Variants in ADGRL1 observed in about 807,000 individuals in gnomAD.
ADGRL1 encodes adhesion G protein-coupled receptor L1.
ADGRL1 carries 31 observed loss-of-function variants against 148.9 expected under a neutral mutation model. That is an observed-to-expected ratio of 0.21 (90% CI 0.16 to 0.28). The LOEUF (loss-of-function observed/expected upper bound fraction) is 0.28. ADGRL1 is among the 10% of genes least tolerant of loss of function. The pLI, the probability that ADGRL1 is intolerant of heterozygous loss-of-function variation, is 1.00. For missense variants in ADGRL1, 1,521 were observed against 2,058.8 expected (o/e 0.74, Z 5.05); for synonymous variants, 937 against 900.3 (o/e 1.04, Z -0.73).
chr19:14,179,858 G>T (rs1599476875), intron 2 of ADGRL1, among the ~76,000 whole-genome samples: 2 of 152,082 alleles, frequency 1.3e-5, no homozygotes, highest in African/African-American at 4.8e-5. Flanking sequence ...TGCAGTGATG[G>T]CATGCAGAGA....
intron 1 of ADGRL1, among the ~76,000 whole-genome samples, chr19:14,192,756 G>C (rs1355551446): frequency 6.6e-6 from 1 of 151,966 alleles, no homozygotes; most frequent in African/African-American, 2.4e-5. Context: ...TCGCCATATT[G>C]GTCAGGCTGC....
chr19:14,203,307 C>G (rs528080008), intron 1 of ADGRL1, among the ~76,000 whole-genome samples: 1 of 152,274 alleles, frequency 6.6e-6, no homozygotes, highest in East Asian at 1.9e-4. Context: ...CCACATGTCT[C>G]GCCAGGGAGA....
rs772963868 is a variant in ADGRL1, at chr19:14,152,779, G to A, written c.3423+5C>T. 7.4e-6 allele frequency: 12 copies of A among 1,613,960 alleles called. No homozygotes were observed. Among genetic ancestry groups the A allele is most frequent in the East Asian group, 2.2e-5 (1 of 44,880 alleles). ...AGCCCCAGGGAGTCCTGTCTGGCCCGATACCTGGGTCCCTGTGTAGTAGCG... is the reference window on the plus strand; with the variant it reads ...AGCCCCAGGGAGTCCTGTCTGGCCCAATACCTGGGTCCCTGTGTAGTAGCG... On this transcript the variant is annotated splice_donor_5th_base_variant and intron_variant, in intron 19 of 22. Transcript: ENST00000361434. This position sits in a 1 kb window ranked among gnomAD's most constrained non-coding sequence, Gnocchi z 6.1.
At chr19:14,191,936 G>T (rs569186839) in intron 1 of ADGRL1, among the ~76,000 whole-genome samples, 2 of 152,048 alleles carry the variant, frequency 1.3e-5, no homozygotes, top group East Asian at 3.9e-4. Context: ...GGCCTCAAGC[G>T]ATCTTCCTGC....
At position 14,155,681 on chromosome 19, in the gene ADGRL1, C is replaced by CT; in HGVS notation, c.3126-155dup. The CT allele has an allele frequency of 1.5e-6, 1 of 674,062 alleles. No individual in the cohort carries two copies. The highest frequency in any genetic ancestry group is 2.5e-6 in the Non-Finnish European group (1 of 403,492). The allele number at this position is 674,062 out of a possible 1,614,324, so 41.8% of individuals were successfully genotyped here. A position where few individuals can be genotyped will look rare whatever the true frequency, so the allele number is the denominator to read the frequency against. On this transcript the variant is annotated intron_variant, in intron 17 of 22. Transcript: ENST00000361434. This position sits in a 1 kb window ranked among gnomAD's most constrained non-coding sequence, Gnocchi z 5.0. ...CCGAGTGGGCCTTGGGGGCAGTGGC[C>CT]TGCCCAGGACACCTCCACCGGAGCC...
intron 1 of ADGRL1, among the ~76,000 whole-genome samples, chr19:14,188,198 A>G (rs560519644): frequency 6.6e-6 from 1 of 152,250 alleles, no homozygotes; most frequent in Admixed American, 6.5e-5. Context: ...TGCCTTATAC[A>G]TGCCCTGTGT....
At chr19:14,170,853 T>C (rs967623419) in intron 3 of ADGRL1, 62 bp from the exon 4 acceptor site, 2 of 797,978 alleles carry the variant, frequency 2.5e-6, no homozygotes, top group Admixed American at 2.0e-5. Context: ...GGGGTGGGGG[T>C]GCATGCTCCA....
At chr19:14,198,606 C>T (rs761172818) in intron 1 of ADGRL1, among the ~76,000 whole-genome samples, 2 of 152,062 alleles carry the variant, frequency 1.3e-5, no homozygotes, top group African/African-American at 2.4e-5. Flanking sequence ...CTACCTCTAC[C>T]CCCACCCCTG....
rs1968911010 is a variant in ADGRL1, at chr19:14,157,700, G to T, written c.2535+182C>A. Among the ~76,000 whole-genome samples the T allele has an allele frequency of 6.6e-6, 1 of 152,256 alleles. No individual in the cohort carries two copies. The highest frequency in any genetic ancestry group is 2.4e-5 in the African/African-American group (1 of 41,462). On this transcript the variant is annotated intron_variant, in intron 13 of 22. Coordinates refer to ENST00000361434, the MANE Select transcript of ADGRL1 (RefSeq NM_014921.5). The surrounding 1 kb of genome is among the most constrained non-coding windows in gnomAD (Gnocchi z 7.5). ...CTTGCTTCTCCAGAGTGCCTTGGGA[G>T]ACGGTGGGATCATGGCCATAGAGGA...
Position 14,149,017 on chromosome 19 carries a change from AG to A in ADGRL1, c.*1855del, listed in dbSNP as rs1967875561. The A allele has an allele frequency of 6.5e-6, 1 of 152,796 alleles. No homozygotes were observed. The highest frequency in any genetic ancestry group is 6.5e-5 in the Admixed American group (1 of 15,268). 9.5% of individuals were successfully genotyped at this position (152,796 alleles called of 1,614,324 possible). ...AACTCATGGCACTTGTGAGAAAAGG[AG>A]GGGCAGAGAGATGGGGAGAGGTCAG... On this transcript the variant is annotated 3_prime_UTR_variant, in exon 23 of 23. Transcript: ENST00000361434.
chr19:14,173,790 T>C (rs1254791855), intron 3 of ADGRL1, among the ~76,000 whole-genome samples: 1 of 151,532 alleles, frequency 6.6e-6, no homozygotes. Flanking sequence ...TTACTAAAAA[T>C]ACAAAAATTA....
intron 18 of ADGRL1, among the ~76,000 whole-genome samples, chr19:14,154,751 AC>A (rs1380844644): frequency 2.0e-5 from 3 of 151,886 alleles, no homozygotes; most frequent in African/African-American, 7.3e-5. Context: ...AGTAGCTGGG[AC>A]TACAGGCGCC....
At position 14,150,570 on chromosome 19, in the gene ADGRL1, G is replaced by A. The variant is rs1968062600; in HGVS notation, c.*303C>T. The A allele has an allele frequency of 2.5e-6, 1 of 393,808 alleles. No homozygotes were observed. Among genetic ancestry groups the A allele is most frequent in the East Asian group, 4.3e-5 (1 of 23,158 alleles). The allele number at this position is 393,808 out of a possible 1,614,324, so 24.4% of individuals were successfully genotyped here. ...GGGTGGGAGAGGGGAGAGTCTGGAA[G>A]TGGGCTGCACCCTTCCAAGTTCTCC... On this transcript the variant is annotated 3_prime_UTR_variant, in exon 23 of 23. Coordinates refer to ENST00000361434, the MANE Select transcript of ADGRL1 (RefSeq NM_014921.5).
intron 2 of ADGRL1, among the ~76,000 whole-genome samples, chr19:14,180,445 G>A (rs776941391): frequency 2.0e-5 from 3 of 151,866 alleles, no homozygotes; most frequent in Admixed American, 1.3e-4. Context: ...TAGTAGAGAC[G>A]GGGTTTTGCC....
Position 14,150,104 on chromosome 19 carries a change from G to C in ADGRL1, c.*769C>G, listed in dbSNP as rs1968021221. 1 of 152,432 alleles carries C rather than the reference G, an allele frequency of 6.6e-6. No individual in the cohort carries two copies. Among genetic ancestry groups the C allele is most frequent in the Non-Finnish European group, 1.5e-5 (1 of 68,028 alleles). 9.4% of individuals were successfully genotyped at this position (152,432 alleles called of 1,614,324 possible). On this transcript the variant is annotated 3_prime_UTR_variant, in exon 23 of 23. Coordinates refer to ENST00000361434, the MANE Select transcript of ADGRL1 (RefSeq NM_014921.5). ...GCTCCCCAGATAGCCGAGCCCACAG[G>C]ACTGGGAACTGCCCAAATATGGCCA... is the stretch of plus-strand genomic sequence containing the variant.
At chr19:14,189,427 G>A (rs572723944) in intron 1 of ADGRL1, among the ~76,000 whole-genome samples, 188 of 152,148 alleles carry the variant, frequency 1.2e-3, no homozygotes, top group African/African-American at 4.3e-3. Context: ...GCAGGATTTC[G>A]TCATGTTGCC....
Position 14,150,511 on chromosome 19 carries a change from A to C in ADGRL1, c.*362T>G. ...AGAAGCTGCCCCTCCCTGCCCAGGAAACTAAAGCCCTCATTTCCCTTCACA... is the reference window on the plus strand; with the variant it reads ...AGAAGCTGCCCCTCCCTGCCCAGGACACTAAAGCCCTCATTTCCCTTCACA... On this transcript the variant is annotated 3_prime_UTR_variant, in exon 23 of 23. Transcript: ENST00000361434. The C allele has an allele frequency of 4.5e-6, 1 of 220,002 alleles. No individual in the cohort carries two copies. The highest frequency in any genetic ancestry group is 1.6e-3 in the Middle Eastern group (1 of 640). The allele number at this position is 220,002 out of a possible 1,614,324, so 13.6% of individuals were successfully genotyped here.
chr19:14,188,450 T>C (rs538464864), intron 1 of ADGRL1, among the ~76,000 whole-genome samples: 2 of 152,162 alleles, frequency 1.3e-5, no homozygotes, highest in South Asian at 4.2e-4. Context: ...CCCAGAGCCA[T>C]GTATACTTCC....
intron 4 of ADGRL1, among the ~76,000 whole-genome samples, 175 bp from the exon 5 acceptor site, chr19:14,163,581 T>G (rs1969661590): frequency 6.6e-6 from 1 of 152,006 alleles, no homozygotes. Context: ...TTGCTTGGTA[T>G]GGCTGGTGAT....
Sources: gnomAD v4.1 joint callset for allele counts (sites outside exome capture counted in the v4.1 genomes callset) on GRCh38, gnomAD v4.1.1 for gene constraint, Gnocchi (gnomAD v3.1) non-coding constraint, MANE v1.5 for transcripts, NCBI Gene and HGNC (gene_info 2026-07-23, HGNC 2026-07-21) for gene names.